The following NAV2 variants were observed in gnomAD, a reference collection of about 807,000 sequenced individuals.
NAV2 encodes neuron navigator 2, also known as helicase, APC down-regulated 1.
NAV2 carries 54 observed loss-of-function variants against 223.2 expected under a neutral mutation model. The observed-to-expected ratio is 0.24, with a 90% CI of 0.19 to 0.30. NAV2 has a LOEUF of 0.30. Among genes scored for constraint, NAV2 ranks in the 10% least tolerant of loss-of-function variants. The probability of loss-of-function intolerance (pLI) is 1.00; values close to 1 mark genes in which losing one functional copy is unlikely to be tolerated. For missense variants in NAV2, 2,806 were observed against 3,147.5 expected, an observed-to-expected ratio of 0.89 and a Z score of 2.60; for synonymous variants, 1,279 against 1,239.3, an observed-to-expected ratio of 1.03 and a Z score of -0.67.
chr11:19,375,218 TAC>T (rs1848601617), intron 1 of NAV2, among the ~76,000 whole-genome samples: 1 of 152,214 alleles, frequency 6.6e-6, no homozygotes, highest in South Asian at 2.1e-4. Context: ...TTTGAGTAGT[TAC>T]AGTCCCATAA....
intron 1 of NAV2, among the ~76,000 whole-genome samples, chr11:19,590,149 T>G (rs2046018195): frequency 6.6e-6 from 1 of 152,210 alleles, no homozygotes; most frequent in Admixed American, 6.5e-5. Context: ...TAATAGTACC[T>G]AGCTTTTAGA....
chr11:19,589,016 C>T (rs1409852229), intron 1 of NAV2, among the ~76,000 whole-genome samples: 1 of 152,196 alleles, frequency 6.6e-6, no homozygotes, highest in East Asian at 1.9e-4. Context: ...CCGTCCAGCC[C>T]CTGAGCACCA....
At chr11:19,935,889 G>A (rs371702188) in intron 7 of NAV2, among the ~76,000 whole-genome samples, 29 of 77,098 alleles carry the variant, frequency 3.8e-4, no homozygotes, top group East Asian at 1.4e-3. Flanking sequence ...ATGGAGTGTC[G>A]CTCTATCGCC....
intron 6 of NAV2, among the ~76,000 whole-genome samples, chr11:19,911,704 C>A (rs1216578042): frequency 6.6e-6 from 1 of 152,116 alleles, no homozygotes; most frequent in Non-Finnish European, 1.5e-5. Flanking sequence ...AGAATGCCTA[C>A]CCAAGCCAGT....
At chr11:19,723,133 C>T (rs2050907853) in intron 1 of NAV2, among the ~76,000 whole-genome samples, 1 of 152,118 alleles carries the variant, frequency 6.6e-6, no homozygotes, top group Admixed American at 6.5e-5. Flanking sequence ...GAGAAGGGTT[C>T]TGAGGGGGTT....
At chr11:19,863,040 C>T (rs997231909) in intron 3 of NAV2, among the ~76,000 whole-genome samples, 4 of 152,106 alleles carry the variant, frequency 2.6e-5, no homozygotes, top group African/African-American at 7.2e-5. Flanking sequence ...TGCCTCCCAT[C>T]CCACCCCTTC....
chr11:19,842,783 G>A (rs543848660), intron 2 of NAV2, 88 bp from the exon 3 acceptor site: 2 of 1,204,554 alleles, frequency 1.7e-6, no homozygotes, highest in African/African-American at 3.0e-5. Context: ...ATGGGCCTTA[G>A]GACTTGGTTG....
At chr11:19,808,879 G>A (rs982554797) in intron 1 of NAV2, among the ~76,000 whole-genome samples, 4 of 152,102 alleles carry the variant, frequency 2.6e-5, no homozygotes, top group Non-Finnish European at 5.9e-5. Context: ...CTAGTTTATT[G>A]ATTATTAATT....
chr11:19,953,184 G>A (rs1005843981), intron 10 of NAV2, among the ~76,000 whole-genome samples: 6 of 151,996 alleles, frequency 3.9e-5, no homozygotes, highest in African/African-American at 7.3e-5. Context: ...ATGTTCCAAA[G>A]TATAAGTAGA....
At chr11:19,576,808 C>T (rs2045584051) in intron 1 of NAV2, among the ~76,000 whole-genome samples, 2 of 152,164 alleles carry the variant, frequency 1.3e-5, no homozygotes, top group Non-Finnish European at 2.9e-5. Context: ...TCATCATTCC[C>T]TCTTCAGTAC....
At chr11:20,066,302 T>C (rs1184396383) in intron 20 of NAV2, among the ~76,000 whole-genome samples, 1 of 152,192 alleles carries the variant, frequency 6.6e-6, no homozygotes, top group African/African-American at 2.4e-5. Flanking sequence ...GTAGTGAGGA[T>C]AGATGGACAG....
At chr11:19,382,561 G>A (rs1049401367) in intron 1 of NAV2, among the ~76,000 whole-genome samples, 7 of 152,220 alleles carry the variant, frequency 4.6e-5, no homozygotes, top group Non-Finnish European at 7.3e-5. Flanking sequence ...TCTGTGGGAA[G>A]TAATTGTCTC....
chr11:19,682,129 C>T (rs2048896565), intron 1 of NAV2, among the ~76,000 whole-genome samples: 1 of 152,146 alleles, frequency 6.6e-6, no homozygotes, highest in African/African-American at 2.4e-5. Flanking sequence ...CCACATACAA[C>T]ATACTCACCC....
chr11:19,651,939 C>A (rs557137526), intron 1 of NAV2, among the ~76,000 whole-genome samples: 1 of 152,182 alleles, frequency 6.6e-6, no homozygotes, highest in East Asian at 1.9e-4. Context: ...TATGCTTTTT[C>A]TTTAAACCTT....
intron 1 of NAV2, among the ~76,000 whole-genome samples, chr11:19,591,620 A>G (rs533682366): frequency 6.6e-6 from 1 of 152,318 alleles, no homozygotes; most frequent in South Asian, 2.1e-4. Flanking sequence ...TCTAGGGGGA[A>G]AGATCAATTA....
chr11:19,670,311 C>T (rs971123485), intron 1 of NAV2, among the ~76,000 whole-genome samples: 11 of 152,144 alleles, frequency 7.2e-5, no homozygotes, highest in African/African-American at 2.7e-4. Flanking sequence ...CTGATCTCCC[C>T]GGGCCATCAC....
In NAV2 at chr11:19,833,496, G is replaced by A. The variant is rs554097608; in HGVS notation, c.385+895G>A. On this transcript the variant is annotated intron_variant, in intron 2 of 37. Coordinates refer to ENST00000349880, the MANE Select transcript of NAV2 (RefSeq NM_145117.5). ...ACTACTGCTGCCATTCAAAGAGAAAGGAGTTTGTTTTCCCTGTTGTCTTGT... is the reference window on the plus strand; with the variant it reads ...ACTACTGCTGCCATTCAAAGAGAAAAGAGTTTGTTTTCCCTGTTGTCTTGT... Among the ~76,000 whole-genome samples, 12 of 152,316 alleles carry A rather than the reference G, an allele frequency of 7.9e-5. No homozygotes were observed. In the South Asian group the frequency reaches 8.3e-4, roughly 11 times the overall value.
intron 1 of NAV2, among the ~76,000 whole-genome samples, chr11:19,598,614 T>C (rs981004413): frequency 6.6e-6 from 1 of 152,100 alleles, no homozygotes; most frequent in Non-Finnish European, 1.5e-5. Flanking sequence ...GTTAATATAA[T>C]TATTACTATC....
chr11:19,999,253 C>T (rs530136965), intron 11 of NAV2, among the ~76,000 whole-genome samples: 1,557 of 152,322 alleles, frequency 0.01, 12 homozygotes, highest in Non-Finnish European at 0.018. Flanking sequence ...CTCAGCCAGT[C>T]CTCAAAGAGA....
Sources: allele counts gnomAD v4.1 joint callset (sites outside exome capture counted in the v4.1 genomes callset), GRCh38; gene constraint gnomAD v4.1.1; transcripts MANE v1.5; gene names NCBI Gene and HGNC (gene_info 2026-07-23, HGNC 2026-07-21).